The following NTM variants were observed in gnomAD, a reference collection of about 807,000 sequenced individuals.
NTM encodes the protein IgLON family member 2.
Under a neutral mutation model 42.1 loss-of-function variants are expected in NTM, and 13 were observed. The ratio of observed to expected loss-of-function variants is 0.31; its 90% CI spans 0.20 to 0.49. NTM has a LOEUF of 0.49. NTM is among the 20% of genes least tolerant of loss of function. The pLI is 0.99. For missense variants in NTM, 373 were observed against 452.8 expected (o/e 0.82, Z 1.60); for synonymous variants, 187 against 179.2 (o/e 1.04, Z -0.35).
At chr11:131,437,092 T>C (rs919467558) in intron 1 of NTM, among the ~76,000 whole-genome samples, 4 of 152,194 alleles carry the variant, frequency 2.6e-5, no homozygotes, top group African/African-American at 9.7e-5. Context: ...AGTTGTGTAG[T>C]TTTGAGTGAG....
rs549133213 is a variant in NTM at position 132,305,063 on chromosome 11, C to A, written c.527-2626C>A. Among the ~76,000 whole-genome samples, 76 of 152,326 alleles carry A rather than the reference C, an allele frequency of 5.0e-4. 1 individual carries two copies. The highest frequency in any genetic ancestry group is 4.2e-3 in the Admixed American group (65 of 15,304). Reference sequence around the variant, plus strand: ...ACATAAATTAATGTGGCACCCATGTCCCCACAGAAAACTGATGAGTTCTCG... The same window carrying A: ...ACATAAATTAATGTGGCACCCATGTACCCACAGAAAACTGATGAGTTCTCG... On this transcript the variant is annotated intron_variant, in intron 4 of 8. Coordinates refer to ENST00000683400, the MANE Select transcript of NTM (RefSeq NM_001352005.2).
At chr11:132,169,151 T>C (rs1347033555) in intron 3 of NTM, among the ~76,000 whole-genome samples, 1 of 152,050 alleles carries the variant, frequency 6.6e-6, no homozygotes, top group East Asian at 1.9e-4. Context: ...GGTTCATTCT[T>C]GTTTTCTCTT....
At chr11:132,070,042 C>G (rs573034304) in intron 2 of NTM, among the ~76,000 whole-genome samples, 6 of 137,746 alleles carry the variant, frequency 4.4e-5, no homozygotes, top group African/African-American at 1.8e-4. Flanking sequence ...CTGACCGTCA[C>G]AGGTTAGTTA....
intron 1 of NTM, among the ~76,000 whole-genome samples, chr11:131,860,317 C>T (rs2046503360): frequency 6.6e-6 from 1 of 152,306 alleles, no homozygotes; most frequent in African/African-American, 2.4e-5. Flanking sequence ...GGACACAGGG[C>T]TGGATCATAA....
chr11:131,590,033 C>T (rs915995348), intron 1 of NTM, among the ~76,000 whole-genome samples: 8 of 152,238 alleles, frequency 5.3e-5, no homozygotes, highest in African/African-American at 1.9e-4. Context: ...CACTCCAAGG[C>T]TGGAAAAATG....
At chr11:131,921,361 A>G (rs550380712) in intron 2 of NTM, among the ~76,000 whole-genome samples, 26 of 152,286 alleles carry the variant, frequency 1.7e-4, no homozygotes, top group Admixed American at 4.6e-4. Flanking sequence ...GTAGTGATGC[A>G]CCCACAAGCC....
Position 131,831,879 on chromosome 11 carries a change from G to T in NTM, c.83-79685G>T, listed in dbSNP as rs373878008. Among the ~76,000 whole-genome samples the T allele has an allele frequency of 2.1e-4, 31 of 149,742 alleles. No homozygotes were observed. In the East Asian group the frequency reaches 2.1e-3, roughly 10 times the overall value. On this transcript the variant is annotated intron_variant, in intron 1 of 8. Coordinates refer to ENST00000683400, the MANE Select transcript of NTM (RefSeq NM_001352005.2). ...TTAAATATTCATAAAAGCATAAAAG[G>T]TCCCAAAATTAATCCCAAAGTAATT...
At chr11:132,207,248 A>G (rs2082118455) in intron 3 of NTM, among the ~76,000 whole-genome samples, 1 of 152,072 alleles carries the variant, frequency 6.6e-6, no homozygotes, top group Admixed American at 6.5e-5. Context: ...TGCTGGCAAT[A>G]CCGCCTGAGC....
At chr11:131,778,628 A>C (rs1187259725) in intron 1 of NTM, among the ~76,000 whole-genome samples, 1 of 152,212 alleles carries the variant, frequency 6.6e-6, no homozygotes, top group Non-Finnish European at 1.5e-5. Flanking sequence ...AAACATAAAA[A>C]CTAGCTCTAG....
At chr11:132,004,338 T>C (rs1266080488) in intron 2 of NTM, among the ~76,000 whole-genome samples, 1 of 152,224 alleles carries the variant, frequency 6.6e-6, no homozygotes, top group African/African-American at 2.4e-5. Context: ...TGTCAAAATA[T>C]GTCTCATTTA....
chr11:132,265,793 G>A (rs756115805), intron 4 of NTM, among the ~76,000 whole-genome samples: 3 of 152,134 alleles, frequency 2.0e-5, no homozygotes, highest in Non-Finnish European at 4.4e-5. Context: ...ATAACAACCT[G>A]AATGAAGTAT....
rs181379716 is a variant in NTM at position 131,894,436 on chromosome 11, A to T, written c.83-17128A>T. 2.4e-4 allele frequency among the ~76,000 whole-genome samples: 37 copies of T among 152,294 alleles called. No individual in the cohort carries two copies. In the East Asian group the frequency reaches 6.9e-3, roughly 29 times the overall value. On this transcript the variant is annotated intron_variant, in intron 1 of 8. Coordinates refer to ENST00000683400, the MANE Select transcript of NTM (RefSeq NM_001352005.2). ...AGATTTATGAGCTCTGCAAAACTGG[A>T]TGTGGTAAACTATGTGTATGGCAGC...
In NTM at chr11:131,598,739, CTTTCTTTCTTTCTTTCTTCTTTCTTTT is replaced by C. The variant is rs1565685432; in HGVS notation, c.82+227878_82+227904del. On this transcript the variant is annotated intron_variant, in intron 1 of 8. Transcript: ENST00000683400. ...TCTTTCTTTCTTTCTTTCTTTCTTT[CTTTCTTTCTTTCTTTCTTCTTTCTTTT>C]TTTCTTTCTTTCTTTCTTCTTTCTT... Among the ~76,000 whole-genome samples, 52 of 85,268 alleles carry C rather than the reference CTTTCTTTCTTTCTTTCTTCTTTCTTTT, an allele frequency of 6.1e-4. 1 individual carries two copies. Among genetic ancestry groups the C allele is most frequent in the African/African-American group, 1.9e-3 (48 of 25,388 alleles). The allele number at this position is 85,268 out of a possible 152,430, so 55.9% of individuals were successfully genotyped here. A position where few individuals can be genotyped will look rare whatever the true frequency, so the allele number is the denominator to read the frequency against.
At chr11:132,060,538 G>T (rs7941631) in intron 2 of NTM, among the ~76,000 whole-genome samples, 97 of 152,154 alleles carry the variant, frequency 6.4e-4, no homozygotes, top group African/African-American at 2.3e-3. Flanking sequence ...ACATTTTGCT[G>T]TTGGTAAACA....
At chr11:132,038,416 G>A (rs906680220) in intron 2 of NTM, among the ~76,000 whole-genome samples, 2 of 152,172 alleles carry the variant, frequency 1.3e-5, no homozygotes, top group Non-Finnish European at 2.9e-5. Flanking sequence ...GCAATTGTTA[G>A]TGCCCGGAGG....
chr11:131,977,259 A>G (rs2064541502), intron 2 of NTM, among the ~76,000 whole-genome samples: 1 of 152,234 alleles, frequency 6.6e-6, no homozygotes, highest in African/African-American at 2.4e-5. Flanking sequence ...TACGCGTAAC[A>G]GTTTTTACAT....
At chr11:131,564,276 A>G (rs201120525) in intron 1 of NTM, among the ~76,000 whole-genome samples, 9 of 151,500 alleles carry the variant, frequency 5.9e-5, no homozygotes, top group Non-Finnish European at 1.0e-4. Flanking sequence ...CACCTTATTT[A>G]TTTGTTTGTT....
At chr11:131,517,351 C>T (rs1476073359) in intron 1 of NTM, among the ~76,000 whole-genome samples, 1 of 152,210 alleles carries the variant, frequency 6.6e-6, no homozygotes, top group African/African-American at 2.4e-5. Context: ...CAGAAACTCC[C>T]TTTCCTTTTT....
chr11:132,089,969 A>G (rs1016354830), intron 2 of NTM, among the ~76,000 whole-genome samples: 2 of 152,168 alleles, frequency 1.3e-5, no homozygotes, highest in African/African-American at 2.4e-5. Context: ...TACTTCTTGT[A>G]TTTACACTTC....
Sources: allele counts gnomAD v4.1 joint callset (sites outside exome capture counted in the v4.1 genomes callset), GRCh38; gene constraint gnomAD v4.1.1; transcripts MANE v1.5; gene names NCBI Gene and HGNC (gene_info 2026-07-23, HGNC 2026-07-21).